The following XIRP2 variants were observed in gnomAD, a reference collection of about 807,000 sequenced individuals.
The protein encoded by XIRP2 is xin actin-binding repeat-containing protein 2.
XIRP2 carries 236 observed loss-of-function variants against 277.0 expected under a neutral mutation model. That is an observed-to-expected ratio of 0.85 (90% confidence interval 0.77 to 0.95). XIRP2 has a LOEUF of 0.95. Ranked by LOEUF, XIRP2 falls within the 40% of genes least tolerant of loss-of-function variation. XIRP2 has a pLI of 0.00. For synonymous variants in XIRP2, 1,490 were observed against 1,416.5 expected (o/e 1.05, Z -1.17); for missense variants, 4,640 against 4,157.5 (o/e 1.12, Z -3.19).
chr2:167,145,462 A>G (rs1422974579), intron 3 of XIRP2, among the ~76,000 whole-genome samples: 1 of 152,220 alleles, frequency 6.6e-6, no homozygotes, highest in Non-Finnish European at 1.5e-5. Context: ...GGAGCCTTCA[A>G]ATTAAATGGA....
intron 2 of XIRP2, among the ~76,000 whole-genome samples, chr2:167,051,410 A>G (rs1688911737): frequency 6.6e-6 from 1 of 152,292 alleles, no homozygotes; most frequent in South Asian, 2.1e-4. Flanking sequence ...CAACAAATAA[A>G]TGGATAGCTA....
intron 2 of XIRP2, among the ~76,000 whole-genome samples, chr2:167,128,698 G>C (rs1252773393): frequency 6.6e-6 from 1 of 152,068 alleles, no homozygotes; most frequent in Non-Finnish European, 1.5e-5. Flanking sequence ...GTTACCTACA[G>C]AATCAAATTC....
intron 2 of XIRP2, among the ~76,000 whole-genome samples, chr2:167,122,755 A>G (rs1428667353): frequency 6.6e-6 from 1 of 152,204 alleles, no homozygotes; most frequent in Non-Finnish European, 1.5e-5. Context: ...CATCTATCAA[A>G]TTGATAATAC....
At chr2:167,139,951 G>A (rs772203518) in intron 3 of XIRP2, among the ~76,000 whole-genome samples, 5 of 152,110 alleles carry the variant, frequency 3.3e-5, no homozygotes, top group Non-Finnish European at 5.9e-5. Flanking sequence ...GCTGTCTACC[G>A]TTTTCATAAG....
chr2:167,153,676 G>T (rs1336739966), intron 3 of XIRP2, among the ~76,000 whole-genome samples: 5 of 151,112 alleles, frequency 3.3e-5, no homozygotes, highest in Non-Finnish European at 5.9e-5. Flanking sequence ...TTTTGTTCTT[G>T]CGATAGTTTA....
chr2:167,210,681 G>C (rs1016727471), intron 3 of XIRP2, 54 bp from the exon 4 acceptor site: 3 of 1,593,010 alleles, frequency 1.9e-6, no homozygotes, highest in Non-Finnish European at 1.7e-6. Context: ...AGGTGATGCT[G>C]TTTTCTTCTT....
chr2:167,124,879 C>G (rs995402805), intron 2 of XIRP2, among the ~76,000 whole-genome samples: 2 of 152,156 alleles, frequency 1.3e-5, no homozygotes, highest in Admixed American at 6.6e-5. Flanking sequence ...TTAAATGCTG[C>G]TGTCCCTTTG....
intron 2 of XIRP2, among the ~76,000 whole-genome samples, chr2:166,917,940 C>T (rs975018599): frequency 1.3e-5 from 2 of 152,116 alleles, no homozygotes; most frequent in Non-Finnish European, 2.9e-5. Context: ...TTTTCATACT[C>T]TATCAGGTTC....
chr2:166,963,978 C>A lies in XIRP2; in HGVS notation c.408+60088C>A, dbSNP rs74553073. On this transcript the variant is annotated intron_variant, in intron 2 of 10. Transcript: ENST00000409195. ...TGTTCTAAAGTTAAAGGAGGAAGAG[C>A]AGAAACAGGTGGTGGGAGACAGGAT... 6.0e-3 allele frequency among the ~76,000 whole-genome samples: 912 copies of A among 151,630 alleles called. 73 individuals are homozygous for A. The East Asian group carries it at 0.16, about 26-fold the overall frequency.
At chr2:167,046,701 T>TTTCAAAGCGG (rs1688796931) in intron 2 of XIRP2, among the ~76,000 whole-genome samples, 1 of 151,976 alleles carries the variant, frequency 6.6e-6, no homozygotes, top group East Asian at 1.9e-4. Context: ...CATGTTCCCA[T>TTTCAAAGCGG]TTCAAAGCGG....
In XIRP2 at chr2:167,118,482, G is replaced by A. The variant is rs375782341; in HGVS notation, c.409-17427G>A. ...GGGCGACACAGCAAGACTCTGTCTC[G>A]ATAAAATAAAATAAAATAAAATAAA... On this transcript the variant is annotated intron_variant, in intron 2 of 10. Coordinates refer to ENST00000409195, the MANE Select transcript of XIRP2 (RefSeq NM_152381.6). 1.9e-3 allele frequency among the ~76,000 whole-genome samples: 229 copies of A among 122,194 alleles called. 2 individuals carry two copies. Among genetic ancestry groups the A allele is most frequent in the Non-Finnish European group, 3.2e-3 (189 of 59,810 alleles). The allele number at this position is 122,194 out of a possible 152,430, so 80.2% of individuals were successfully genotyped here.
At chr2:167,065,541 C>T (rs1310897842) in intron 2 of XIRP2, among the ~76,000 whole-genome samples, 1 of 151,452 alleles carries the variant, frequency 6.6e-6, no homozygotes, top group East Asian at 1.9e-4. Context: ...TACCTATTTT[C>T]GTTGTTGCTG....
At chr2:166,971,810 A>G (rs918740085) in intron 2 of XIRP2, among the ~76,000 whole-genome samples, 6 of 152,176 alleles carry the variant, frequency 3.9e-5, no homozygotes, top group African/African-American at 1.4e-4. Context: ...TTTGAACAAC[A>G]TGAAAATCAC....
chr2:167,235,922 C>T (rs1377326581), intron 5 of XIRP2, among the ~76,000 whole-genome samples: 3 of 152,056 alleles, frequency 2.0e-5, no homozygotes, highest in African/African-American at 7.2e-5. Flanking sequence ...AATTGCTATG[C>T]TCATCACTTA....
chr2:166,938,157 T>A (rs1038371612), intron 2 of XIRP2, among the ~76,000 whole-genome samples: 7 of 152,222 alleles, frequency 4.6e-5, no homozygotes, highest in Non-Finnish European at 8.8e-5. Flanking sequence ...TGTTTGCTCT[T>A]GCTTTTCTAG....
chr2:167,039,392 A>T (rs1366707997), intron 2 of XIRP2, among the ~76,000 whole-genome samples: 1 of 152,238 alleles, frequency 6.6e-6, no homozygotes, highest in Non-Finnish European at 1.5e-5. Context: ...GTGAACACAC[A>T]CATTAAAAAG....
In XIRP2 at chr2:167,251,563, T is replaced by G; in HGVS notation, c.10171T>G (p.Cys3391Gly). 1 of 1,613,566 alleles carries G rather than the reference T, an allele frequency of 6.2e-7. No homozygotes were observed. Among genetic ancestry groups the G allele is most frequent in the African/African-American group, 1.3e-5 (1 of 74,986 alleles). Residue 3391 changes from cysteine (C) to glycine (G), a missense_variant, in exon 9 of 11, where the codon TGC becomes GGC. Coordinates refer to ENST00000409195, the MANE Select transcript of XIRP2 (RefSeq NM_152381.6). Reference sequence around the variant, plus strand: ...AAACACGAGTTTTACAGACTTTTCTTGCAAACATCCTAGAGAACTGCGAGA... The same window carrying G: ...AAACACGAGTTTTACAGACTTTTCTGGCAAACATCCTAGAGAACTGCGAGA... Reference protein sequence around the residue: ...LGNTSFTDFSCKHPRELREKI... With the variant: ...LGNTSFTDFSGKHPRELREKI...
chr2:166,955,154 A>G (rs1450375676), intron 2 of XIRP2, among the ~76,000 whole-genome samples: 1 of 151,904 alleles, frequency 6.6e-6, no homozygotes, highest in African/African-American at 2.4e-5. Flanking sequence ...AAAAATGGGA[A>G]ACAAATTAAA....
intron 3 of XIRP2, among the ~76,000 whole-genome samples, chr2:167,181,871 G>C (rs529584265): frequency 3.7e-4 from 57 of 152,210 alleles, no homozygotes; most frequent in African/African-American, 1.3e-3. Context: ...TTGGCTCATT[G>C]GTCAGGTGTT....
Sources: gnomAD v4.1 joint callset for allele counts (sites outside exome capture counted in the v4.1 genomes callset) on GRCh38, gnomAD v4.1.1 for gene constraint, MANE v1.5 for transcripts, NCBI Gene and HGNC (gene_info 2026-07-23, HGNC 2026-07-21) for gene names.